KIF13B: variants seen among roughly 807,000 people sequenced by gnomAD.
The protein encoded by KIF13B is kinesin-like protein KIF13B.
In KIF13B, 127 loss-of-function variants were observed where a neutral mutation model predicts 222.0. The observed-to-expected ratio is 0.57, with a 90% CI of 0.50 to 0.66. KIF13B has a LOEUF of 0.66. Among genes scored for constraint, KIF13B ranks in the 30% least tolerant of loss-of-function variants. The probability of loss-of-function intolerance (pLI) is 0.00; values close to 1 mark genes in which losing one functional copy is unlikely to be tolerated. For synonymous variants in KIF13B, 976 were observed against 919.0 expected, an observed-to-expected ratio of 1.06 and a Z score of -1.12; for missense variants, 2,173 against 2,379.0, an observed-to-expected ratio of 0.91 and a Z score of 1.80.
chr8:29,079,658 C>T (rs1807717129), intron 37 of KIF13B, among the ~76,000 whole-genome samples: 1 of 152,194 alleles, frequency 6.6e-6, no homozygotes, highest in Admixed American at 6.5e-5. Flanking sequence ...AAAAAATAAT[C>T]ACTTCAGAAC....
chr8:29,136,800 T>A (rs1192514194), intron 21 of KIF13B, among the ~76,000 whole-genome samples: 1 of 143,676 alleles, frequency 7.0e-6, no homozygotes, highest in Admixed American at 6.9e-5. Context: ...AACAGGTTTT[T>A]TTTTTTTTTT....
At chr8:29,094,663 A>G (rs957944368) in intron 36 of KIF13B, among the ~76,000 whole-genome samples, 1 of 152,260 alleles carries the variant, frequency 6.6e-6, no homozygotes, top group African/African-American at 2.4e-5. Context: ...AACATTAAAT[A>G]TGACCCACGG....
At chr8:29,242,891 CCTT>C (rs780304983) in intron 2 of KIF13B, among the ~76,000 whole-genome samples, 18 of 152,130 alleles carry the variant, frequency 1.2e-4, no homozygotes, top group Non-Finnish European at 2.4e-4. Context: ...CTGCCTGTCT[CCTT>C]AAGAGATGGC....
At chr8:29,213,963 A>C (rs1201918982) in intron 2 of KIF13B, among the ~76,000 whole-genome samples, 1 of 152,180 alleles carries the variant, frequency 6.6e-6, no homozygotes, top group African/African-American at 2.4e-5. Context: ...CAAAAAAATA[A>C]ATAAAATAAA....
At chr8:29,167,838 G>A (rs890866390) in intron 10 of KIF13B, among the ~76,000 whole-genome samples, 2 of 152,048 alleles carry the variant, frequency 1.3e-5, no homozygotes, top group African/African-American at 2.4e-5. Flanking sequence ...CCTTTATTTC[G>A]GTTTAACACA....
intron 35 of KIF13B, among the ~76,000 whole-genome samples, chr8:29,103,399 C>T (rs1007137316): frequency 1.3e-5 from 2 of 152,090 alleles, no homozygotes; most frequent in African/African-American, 4.8e-5. Flanking sequence ...CAACTTCAGC[C>T]GGTCTTGGCA....
At chr8:29,075,110 A>G (rs1003541102) in intron 38 of KIF13B, among the ~76,000 whole-genome samples, 171 bp downstream of exon 38, 2 of 152,262 alleles carry the variant, frequency 1.3e-5, no homozygotes, top group African/African-American at 4.8e-5. Context: ...TTGAAAATAG[A>G]AAAGTATAAC....
At chr8:29,137,090 G>A (rs972829067) in intron 21 of KIF13B, among the ~76,000 whole-genome samples, 3 of 152,176 alleles carry the variant, frequency 2.0e-5, no homozygotes, top group East Asian at 1.9e-4. Flanking sequence ...GTGAGCCGCC[G>A]CGCCCGGCCC....
intron 1 of KIF13B, among the ~76,000 whole-genome samples, chr8:29,258,849 C>T (rs1816581041): frequency 6.6e-6 from 1 of 152,296 alleles, no homozygotes; most frequent in East Asian, 1.9e-4. Context: ...TTAATCTAAT[C>T]TTTTCACAGG....
chr8:29,203,892 C>CAAAAAAA (rs11432771), intron 2 of KIF13B, among the ~76,000 whole-genome samples: 20 of 66,172 alleles, frequency 3.0e-4, no homozygotes, highest in African/African-American at 1.2e-3. Flanking sequence ...AGTTCCGTCT[C>CAAAAAAA]AAAAAAAAAA....
chr8:29,107,284 T>C (rs1046470477), intron 35 of KIF13B, among the ~76,000 whole-genome samples: 2 of 152,120 alleles, frequency 1.3e-5, no homozygotes, highest in South Asian at 2.1e-4. Context: ...TCCCAGCACT[T>C]TGGGAGGCTG....
chr8:29,223,568 AAATTT>A (rs879826580), intron 2 of KIF13B, among the ~76,000 whole-genome samples: 17 of 152,224 alleles, frequency 1.1e-4, no homozygotes, highest in African/African-American at 4.1e-4. Flanking sequence ...ATCTGCAATA[AAATTT>A]AACACGTAAC....
chr8:29,192,452 TG>T, intron 3 of KIF13B, among the ~76,000 whole-genome samples: 1 of 152,216 alleles, frequency 6.6e-6, no homozygotes, highest in East Asian at 1.9e-4. Flanking sequence ...GGTCTCACTA[TG>T]TTGCCCAGGC....
Position 29,178,820 on chromosome 8 carries a change from G to A in KIF13B, c.721-1242C>T, listed in dbSNP as rs551941658. Among the ~76,000 whole-genome samples, 16 of 152,256 alleles carry A rather than the reference G, an allele frequency of 1.1e-4. No homozygotes were observed. In the East Asian group the frequency reaches 3.1e-3, roughly 29 times the overall value. ...CCAAAATATAGCACTTTGCCAGGGT[G>A]ATTATTTTACCTTCTGGTATTTAAA... On this transcript the variant is annotated intron_variant, in intron 8 of 39. Coordinates refer to ENST00000524189, the MANE Select transcript of KIF13B (RefSeq NM_015254.4).
intron 2 of KIF13B, among the ~76,000 whole-genome samples, chr8:29,236,898 T>C (rs1441551433): frequency 6.6e-6 from 1 of 150,616 alleles, no homozygotes; most frequent in Non-Finnish European, 1.5e-5. Context: ...AATAACTTTT[T>C]CTGCTTTCCA....
intron 36 of KIF13B, among the ~76,000 whole-genome samples, chr8:29,097,507 T>C (rs1490957905): frequency 1.3e-5 from 2 of 152,274 alleles, no homozygotes; most frequent in South Asian, 2.1e-4. Context: ...TAGATATACA[T>C]AGAACATCAT....
Position 29,186,417 on chromosome 8 carries a change from T to C in KIF13B, c.372A>G (p.Pro124=), listed in dbSNP as rs565452082. 3.1e-6 allele frequency: 5 copies of C among 1,613,958 alleles called. No individual in the cohort carries two copies. Among genetic ancestry groups the C allele is most frequent in the Non-Finnish European group, 4.2e-6 (5 of 1,179,872 alleles). The part of the protein sequence containing the change: ...MGTADQPGLI[P]RLCSGLFERT... Reference sequence around the variant, plus strand: ...GTTCAAAGAGTCCACTGCAAAGTCTTGGGATTAATCCAGGTTGGTCAGCTG... The same window carrying C: ...GTTCAAAGAGTCCACTGCAAAGTCTCGGGATTAATCCAGGTTGGTCAGCTG... The change falls in exon 6 of 40, where the codon CCA becomes CCG. Residue 124 remains proline, a synonymous_variant. Coordinates refer to ENST00000524189, the MANE Select transcript of KIF13B (RefSeq NM_015254.4).
At chr8:29,108,301 G>T in intron 34 of KIF13B, 109 bp from the exon 35 acceptor site, 3 of 956,840 alleles carry the variant, frequency 3.1e-6, no homozygotes, top group Non-Finnish European at 3.3e-6. Flanking sequence ...AAGTTGGGTG[G>T]CAGCAGAGAG....
chr8:29,251,779 A>G (rs1277890029), intron 1 of KIF13B, among the ~76,000 whole-genome samples: 1 of 152,230 alleles, frequency 6.6e-6, no homozygotes, highest in Non-Finnish European at 1.5e-5. Context: ...ATTGTATTTC[A>G]CAATTTAAAA....
Sources: gnomAD v4.1 joint callset for allele counts (sites outside exome capture counted in the v4.1 genomes callset) on GRCh38, gnomAD v4.1.1 for gene constraint, MANE v1.5 for transcripts, NCBI Gene and HGNC (gene_info 2026-07-23, HGNC 2026-07-21) for gene names.